IPO11: variants seen among roughly 807,000 people sequenced by gnomAD.
The protein encoded by IPO11 is importin-11.
Under a neutral mutation model 143.2 loss-of-function variants are expected in IPO11, and 66 were observed. That is an observed-to-expected ratio of 0.46 (90% CI 0.38 to 0.57). IPO11 has a LOEUF of 0.57. Ranked by LOEUF, IPO11 falls within the 20% of genes least tolerant of loss-of-function variation. The pLI is 0.00. For missense variants in IPO11, 1,026 were observed against 1,141.0 expected (o/e 0.90, Z 1.45); for synonymous variants, 385 against 377.8 (o/e 1.02, Z -0.22).
intron 16 of IPO11, among the ~76,000 whole-genome samples, chr5:62,501,722 G>A (rs546198044): frequency 6.6e-6 from 1 of 152,224 alleles, no homozygotes; most frequent in African/African-American, 2.4e-5. Context: ...TATGCCTAGC[G>A]TGGAGTCAAG....
At chr5:62,591,088 G>C (rs969054694) in intron 27 of IPO11, among the ~76,000 whole-genome samples, 9 of 151,954 alleles carry the variant, frequency 5.9e-5, no homozygotes, top group Admixed American at 3.3e-4. Flanking sequence ...TTGCACCACT[G>C]CACCTGATGC....
chr5:62,472,138 C>T (rs964993465), intron 7 of IPO11, among the ~76,000 whole-genome samples: 5 of 152,238 alleles, frequency 3.3e-5, no homozygotes, highest in South Asian at 4.1e-4. Context: ...CGCTGTGACT[C>T]GGAGCTTGGA....
Position 62,446,961 on chromosome 5 carries a change from T to C in IPO11, c.240-2966T>C, listed in dbSNP as rs562073053. ...CAGCCTGGGCAACAGAGCGAGACTC[T>C]GACTGCAAAAAAAAAAAAAATCAAC... On this transcript the variant is annotated intron_variant, in intron 3 of 29. Coordinates refer to ENST00000325324, the MANE Select transcript of IPO11 (RefSeq NM_016338.5). Among the ~76,000 whole-genome samples, 3 of 149,576 alleles carry C rather than the reference T, an allele frequency of 2.0e-5. No homozygotes were observed. The East Asian group carries it at 5.8e-4, about 29-fold the overall frequency.
At chr5:62,594,351 G>A (rs1745136741) in intron 28 of IPO11, among the ~76,000 whole-genome samples, 1 of 152,112 alleles carries the variant, frequency 6.6e-6, no homozygotes, top group African/African-American at 2.4e-5. Flanking sequence ...ATCACCAGTG[G>A]ACCTCCATTG....
intron 28 of IPO11, among the ~76,000 whole-genome samples, chr5:62,596,308 C>G (rs1745217865): frequency 1.4e-5 from 2 of 146,578 alleles, no homozygotes; most frequent in Admixed American, 1.4e-4. Context: ...TTTTAAGAAG[C>G]CTAGAGGCAC....
chr5:62,480,551 A>G (rs1484628250), intron 9 of IPO11, among the ~76,000 whole-genome samples: 2 of 152,034 alleles, frequency 1.3e-5, no homozygotes, highest in African/African-American at 2.4e-5. Context: ...TTTTCACGAT[A>G]TTGATTCTTC....
chr5:62,598,391 G>GCTTGCTTGCTTTCTTTCTTTCTTT (rs1745312271), intron 28 of IPO11, among the ~76,000 whole-genome samples: 3 of 36,504 alleles, frequency 8.2e-5, no homozygotes, highest in Admixed American at 3.6e-4. Flanking sequence ...TTGCTTGCTT[G>GCTTGCTTGCTTTCTTTCTTTCTTT]CTTTCTTTCT....
At chr5:62,484,922 CT>C (rs1746343925) in intron 11 of IPO11, among the ~76,000 whole-genome samples, 1 of 148,610 alleles carries the variant, frequency 6.7e-6, no homozygotes, top group South Asian at 2.1e-4. Flanking sequence ...TTTGAAACAT[CT>C]TTTTTCAATT....
chr5:62,489,081 A>G (rs1746514179), intron 13 of IPO11, among the ~76,000 whole-genome samples: 1 of 152,216 alleles, frequency 6.6e-6, no homozygotes. Flanking sequence ...TGCTTGTCAT[A>G]ACATTTTTCA....
chr5:62,591,492 G>T (rs1412546138), intron 27 of IPO11, 85 bp from the exon 28 acceptor site: 2 of 721,554 alleles, frequency 2.8e-6, no homozygotes, highest in Non-Finnish European at 2.3e-6. Flanking sequence ...TTCTCTTCAT[G>T]TTCGAGAAGA....
intron 1 of IPO11, among the ~76,000 whole-genome samples, chr5:62,422,906 C>T (rs562066357): frequency 6.6e-6 from 1 of 152,018 alleles, no homozygotes; most frequent in East Asian, 1.9e-4. Flanking sequence ...ATCTCAAGTG[C>T]CTAGACTAGT....
intron 1 of IPO11, chr5:62,418,928 C>T (rs745677199): frequency 9.6e-6 from 14 of 1,455,798 alleles, no homozygotes; most frequent in African/African-American, 2.8e-5. Flanking sequence ...GATACAGTCA[C>T]GAGTTGCTTA....
chr5:62,517,631 G>T (rs541426042), intron 20 of IPO11, among the ~76,000 whole-genome samples: 1 of 152,138 alleles, frequency 6.6e-6, no homozygotes, highest in African/African-American at 2.4e-5. Flanking sequence ...TTGAACTGCC[G>T]ACCTCAGGTG....
chr5:62,598,415 T>C (rs1409145135), intron 28 of IPO11, among the ~76,000 whole-genome samples: 10 of 14,258 alleles, frequency 7.0e-4, no homozygotes, highest in Admixed American at 9.5e-4. Flanking sequence ...TTTCTTTCTT[T>C]CTTTCTTTCT....
intron 29 of IPO11, among the ~76,000 whole-genome samples, chr5:62,602,836 C>A (rs1430526514): frequency 6.6e-6 from 1 of 152,208 alleles, no homozygotes; most frequent in Admixed American, 6.5e-5. Context: ...GAATTCTAGT[C>A]CTTTTTTACT....
At chr5:62,610,425 G>A (rs57929646) in intron 29 of IPO11, among the ~76,000 whole-genome samples, 1,802 of 152,212 alleles carry the variant, frequency 0.012, 36 homozygotes, top group African/African-American at 0.041. Context: ...GCATTGAGAA[G>A]GCAATTTTAC....
intron 29 of IPO11, among the ~76,000 whole-genome samples, chr5:62,626,030 C>A (rs1019767166): frequency 1.3e-5 from 2 of 151,928 alleles, no homozygotes. Context: ...CTTTCCTCTT[C>A]TTTTTCTTTT....
intron 5 of IPO11, among the ~76,000 whole-genome samples, chr5:62,458,134 G>A (rs1378632083): frequency 5.2e-4 from 73 of 140,302 alleles, no homozygotes; most frequent in African/African-American, 1.8e-3. Context: ...GCGACAGAGC[G>A]AGACTCTGTC....
chr5:62,533,884 T>C (rs1742641120), intron 22 of IPO11, among the ~76,000 whole-genome samples: 1 of 151,118 alleles, frequency 6.6e-6, no homozygotes, highest in Non-Finnish European at 1.5e-5. Context: ...AAGGCTGCAG[T>C]GGCTGCAGTG....
Sources: allele counts gnomAD v4.1 joint callset (sites outside exome capture counted in the v4.1 genomes callset), GRCh38; gene constraint gnomAD v4.1.1; transcripts MANE v1.5; gene names NCBI Gene and HGNC (gene_info 2026-07-23, HGNC 2026-07-21).